Variants in GPA33 observed in about 807,000 individuals in gnomAD.
GPA33 encodes the protein cell surface A33 antigen.
Under a neutral mutation model 35.6 loss-of-function variants are expected in GPA33, and 27 were observed. The observed-to-expected ratio is 0.76, with a 90% confidence interval of 0.56 to 1.04. GPA33 has a LOEUF of 1.04. Among genes scored for constraint, GPA33 ranks in the 50% least tolerant of loss-of-function variants. The pLI is 0.00. For synonymous variants in GPA33, 176 were observed against 164.0 expected (o/e 1.07, Z -0.56); for missense variants, 428 against 411.9 (o/e 1.04, Z -0.34).
intron 1 of GPA33, among the ~76,000 whole-genome samples, chr1:167,082,605 G>A (rs974290465): frequency 6.6e-6 from 1 of 152,232 alleles, no homozygotes; most frequent in African/African-American, 2.4e-5. Context: ...GGGGACCCGA[G>A]AGGAGGGGAA....
intron 2 of GPA33, among the ~76,000 whole-genome samples, chr1:167,072,965 T>C (rs1250702507): frequency 6.6e-6 from 1 of 150,868 alleles, no homozygotes. Flanking sequence ...TTTTATGAGG[T>C]TTTGATTTTC....
rs778769826 is a variant in GPA33, at chr1:167,055,757, A to C, written c.664T>G (p.Cys222Gly). The change falls in exon 5 of 7, where the codon TGC becomes GGC. Residue 222 changes from cysteine to glycine, a missense_variant. Transcript: ENST00000367868. ...TSSNEEGTQF[C>G]NITVAVRSPS... Reference sequence around the variant, plus strand: ...GATCTGACGGCCACCGTGATGTTGCAGAACTGCGTCCCCTCCTCATTGCTG... The same window carrying C: ...GATCTGACGGCCACCGTGATGTTGCCGAACTGCGTCCCCTCCTCATTGCTG... 10 of 1,613,960 alleles carry C rather than the reference A, an allele frequency of 6.2e-6. No homozygotes were observed. Among genetic ancestry groups the C allele is most frequent in the Non-Finnish European group, 8.5e-6 (10 of 1,179,980 alleles).
chr1:167,073,683 C>T lies in GPA33; in HGVS notation c.44-144G>A, dbSNP rs575305016. On this transcript the variant is annotated intron_variant, in intron 1 of 6. Coordinates refer to ENST00000367868, the MANE Select transcript of GPA33 (RefSeq NM_005814.3). ...CTAGAGCCATCTTGGCCACCTTGGC[C>T]CTGGCAACCAGCTTCTCCTCCAAGA... is the stretch of plus-strand genomic sequence containing the variant. The T allele has an allele frequency of 1.5e-5, 10 of 672,754 alleles. No homozygotes were observed. In the African/African-American group the frequency reaches 1.6e-4, roughly 11 times the overall value. The allele number at this position is 672,754 out of a possible 1,614,324, so 41.7% of individuals were successfully genotyped here.
chr1:167,057,508 G>T (rs891124458), intron 4 of GPA33, among the ~76,000 whole-genome samples: 1 of 152,144 alleles, frequency 6.6e-6, no homozygotes, highest in Non-Finnish European at 1.5e-5. Flanking sequence ...CATTTCAGGG[G>T]CTGCCCAGCA....
chr1:167,066,197 A>T (rs138148151), intron 3 of GPA33, among the ~76,000 whole-genome samples: 1 of 152,342 alleles, frequency 6.6e-6, no homozygotes, highest in Non-Finnish European at 1.5e-5. Flanking sequence ...CCAAGTGTGC[A>T]TGACTGACAG....
intron 3 of GPA33, among the ~76,000 whole-genome samples, chr1:167,066,677 C>A (rs1438808517): frequency 6.6e-6 from 1 of 152,228 alleles, no homozygotes; most frequent in African/African-American, 2.4e-5. Context: ...TCAGTCTTAC[C>A]TCCCCAGCAG....
At chr1:167,083,555 C>T (rs1410217227) in intron 1 of GPA33, among the ~76,000 whole-genome samples, 7 of 152,276 alleles carry the variant, frequency 4.6e-5, no homozygotes, top group South Asian at 4.2e-4. Flanking sequence ...GCTCTCACGG[C>T]GTTCACTGTT....
chr1:167,079,478 C>T (rs899094911), intron 1 of GPA33, among the ~76,000 whole-genome samples: 2 of 143,074 alleles, frequency 1.4e-5, no homozygotes. Context: ...AGCGAGACTC[C>T]GTCTCCAAAA....
intron 4 of GPA33, among the ~76,000 whole-genome samples, chr1:167,062,646 C>CTTT (rs768326263): frequency 0.093 from 7,431 of 79,732 alleles, 675 homozygotes; most frequent in Non-Finnish European, 0.13. Flanking sequence ...ATAGCTCTTT[C>CTTT]TTTTTTTTTT....
Position 167,063,495 on chromosome 1 carries a change from G to C in GPA33, c.571+87C>G, listed in dbSNP as rs1052485648. On this transcript the variant is annotated intron_variant, in intron 4 of 6. Coordinates refer to ENST00000367868, the MANE Select transcript of GPA33 (RefSeq NM_005814.3). The stretch of plus-strand genomic sequence containing the variant: ...AAGCGGCCTTCAGGGGGATCTGATC[G>C]GTCAACCCAAGTTGCAGCCCCTAGC... The C allele has an allele frequency of 3.2e-6, 4 of 1,236,852 alleles. No individual in the cohort carries two copies. The African/African-American group carries it at 6.0e-5, about 18-fold the overall frequency. The allele number at this position is 1,236,852 out of a possible 1,614,324, so 76.6% of individuals were successfully genotyped here.
intron 1 of GPA33, among the ~76,000 whole-genome samples, chr1:167,085,199 G>A (rs1251050999): frequency 6.6e-6 from 1 of 152,216 alleles, no homozygotes; most frequent in Non-Finnish European, 1.5e-5. Flanking sequence ...GCCTGGGACT[G>A]AGGGTGAGGG....
rs370661795 is a variant in GPA33, at chr1:167,055,010, C to T, written c.793G>A (p.Asp265Asn). 1.2e-6 allele frequency: 2 copies of T among 1,614,096 alleles called. No homozygotes were observed. Among genetic ancestry groups the T allele is most frequent in the Non-Finnish European group, 1.7e-6 (2 of 1,180,046 alleles). The change falls in exon 6 of 7, where the codon GAC (aspartate) becomes AAC (asparagine). Residue 265 changes from aspartate (D) to asparagine (N), a missense_variant. Asp to Asn is a conservative substitution (Grantham distance 23). Transcript: ENST00000367868. ...TCCTCCTTGTCTTCAGTGTTGTCGT[C>T]CTTCCCTCGGCAGCAGCAGCAGTAG... Reference protein sequence around the residue: ...IIYCCCCRGKDDNTEDKEDAR... With the variant: ...IIYCCCCRGKNDNTEDKEDAR...
intron 6 of GPA33, 129 bp from the exon 7 acceptor site, chr1:167,054,595 A>T: frequency 8.8e-7 from 1 of 1,135,952 alleles, no homozygotes; most frequent in Non-Finnish European, 1.3e-6. Context: ...TGCAGAGGAC[A>T]CTGGGCTGAA....
intron 4 of GPA33, among the ~76,000 whole-genome samples, chr1:167,057,760 A>G (rs1666340207): frequency 6.6e-6 from 1 of 152,234 alleles, no homozygotes; most frequent in Admixed American, 6.5e-5. Context: ...AATCCTCAAT[A>G]TTTCAATCTC....
chr1:167,056,122 C>T (rs368635337), intron 4 of GPA33, among the ~76,000 whole-genome samples: 1 of 152,200 alleles, frequency 6.6e-6, no homozygotes, highest in Non-Finnish European at 1.5e-5. Context: ...TTCATTCAAC[C>T]TCCATTTCCT....
chr1:167,075,056 C>G (rs1666797614), intron 1 of GPA33, among the ~76,000 whole-genome samples: 1 of 151,948 alleles, frequency 6.6e-6, no homozygotes, highest in Non-Finnish European at 1.5e-5. Flanking sequence ...CATGCACCAC[C>G]ACGCCCAGCT....
chr1:167,082,141 CTG>C (rs534361152), intron 1 of GPA33: 523 of 413,264 alleles, frequency 1.3e-3, no homozygotes, highest in Middle Eastern at 2.2e-3. Flanking sequence ...GGATGCAAAA[CTG>C]TGCATACAAC....
At chr1:167,073,044 C>T (rs1666751309) in intron 2 of GPA33, among the ~76,000 whole-genome samples, 2 of 151,716 alleles carry the variant, frequency 1.3e-5, no homozygotes, top group South Asian at 4.2e-4. Context: ...CTCCACACTT[C>T]CCAAAAGAAT....
At chr1:167,055,196 G>C in intron 5 of GPA33, 85 bp from the exon 6 acceptor site, 4 of 1,370,188 alleles carry the variant, frequency 2.9e-6, no homozygotes, top group Non-Finnish European at 4.1e-6. Context: ...GCAGCTACCA[G>C]CTTCTGGTAA....
Sources: gnomAD v4.1 joint callset for allele counts (sites outside exome capture counted in the v4.1 genomes callset) on GRCh38, gnomAD v4.1.1 for gene constraint, MANE v1.5 for transcripts, NCBI Gene and HGNC (gene_info 2026-07-23, HGNC 2026-07-21) for gene names.